The following KANSL1 variants were observed in gnomAD, a reference collection of about 807,000 sequenced individuals.
KANSL1 encodes the protein MLL1/MLL complex subunit KANSL1.
KANSL1 carries 22 observed loss-of-function variants against 103.6 expected under a neutral mutation model. That is an observed-to-expected ratio of 0.21 (90% CI 0.15 to 0.30). The LOEUF (loss-of-function observed/expected upper bound fraction) is 0.30. Ranked by LOEUF, KANSL1 falls within the 10% of genes least tolerant of loss-of-function variation. KANSL1 has a pLI of 1.00. For missense variants in KANSL1, 1,337 were observed against 1,399.8 expected (o/e 0.96, Z 0.72); for synonymous variants, 600 against 527.6 (o/e 1.14, Z -1.88).
At chr17:46,046,332 G>A (rs569535343) in intron 7 of KANSL1, among the ~76,000 whole-genome samples, 61 of 151,638 alleles carry the variant, frequency 4.0e-4, no homozygotes, top group African/African-American at 1.4e-3. Context: ...CCAAGAGTTT[G>A]AGACCAGCAT....
intron 7 of KANSL1, among the ~76,000 whole-genome samples, chr17:46,048,604 G>A (rs888214275): frequency 3.9e-5 from 6 of 152,008 alleles, no homozygotes; most frequent in Non-Finnish European, 5.9e-5. Context: ...ACCCACCAGT[G>A]ATTTGAGAGG....
intron 1 of KANSL1, among the ~76,000 whole-genome samples, chr17:46,217,481 A>AG (rs1390196698): frequency 2.0e-5 from 3 of 152,246 alleles, no homozygotes; most frequent in Admixed American, 1.3e-4. Flanking sequence ...AAAAAAAAAA[A>AG]AAGAGATAGG....
intron 2 of KANSL1, among the ~76,000 whole-genome samples, chr17:46,102,985 G>A (rs1205900384): frequency 1.3e-5 from 2 of 152,202 alleles, no homozygotes; most frequent in East Asian, 3.8e-4. Flanking sequence ...GCACAAACTG[G>A]TAGGGCTTGG....
In KANSL1 at chr17:46,171,714, T is replaced by C; in HGVS notation, c.430A>G (p.Ser144Gly). The stretch of plus-strand genomic sequence containing the variant: ...GCTTGTGGCAGAGCTGTCTGACCAC[T>C]CGTATTCATGGTTCTAAGATTTTCT... Reference protein sequence around the residue: ...SLENLRTMNTSGQTALPQAPV... With the variant: ...SLENLRTMNTGGQTALPQAPV... The change falls in exon 2 of 15, where the codon AGT (serine) becomes GGT (glycine). Residue 144 changes from serine (S) to glycine (G), a missense_variant. Physicochemically the swap from Ser to Gly is moderately conservative, Grantham distance 56. Coordinates refer to ENST00000432791, the MANE Select transcript of KANSL1 (RefSeq NM_015443.4). 1 of 1,565,514 alleles carries C rather than the reference T, an allele frequency of 6.4e-7. No homozygotes were observed. The highest frequency in any genetic ancestry group is 8.6e-7 in the Non-Finnish European group (1 of 1,159,936).
In KANSL1 at chr17:46,154,944, A is replaced by G. The variant is rs559733726; in HGVS notation, c.1289+15911T>C. On this transcript the variant is annotated intron_variant, in intron 2 of 14. Coordinates refer to ENST00000432791, the MANE Select transcript of KANSL1 (RefSeq NM_015443.4). ...CTAAAGTACTGGGATTACAAGGTAT[A>G]AGCCACCACGAGCAGCCTAATCTCT... is the stretch of plus-strand genomic sequence containing the variant. 2.0e-5 allele frequency among the ~76,000 whole-genome samples: 3 copies of G among 152,306 alleles called. No homozygotes were observed. In the South Asian group the frequency reaches 6.2e-4, roughly 32 times the overall value.
intron 2 of KANSL1, among the ~76,000 whole-genome samples, chr17:46,107,560 G>A (rs773785404): frequency 1.3e-4 from 20 of 152,214 alleles, no homozygotes; most frequent in East Asian, 5.8e-4. Flanking sequence ...CTGCATATGC[G>A]AAATCACTAA....
intron 4 of KANSL1, among the ~76,000 whole-genome samples, chr17:46,079,415 GT>G (rs1409386000): frequency 6.6e-6 from 1 of 152,162 alleles, no homozygotes; most frequent in Non-Finnish European, 1.5e-5. Context: ...ATTTAACTTT[GT>G]TTTACCTACT....
chr17:46,078,501 A>G (rs2078870007), intron 4 of KANSL1, among the ~76,000 whole-genome samples: 1 of 150,534 alleles, frequency 6.6e-6, no homozygotes, highest in Non-Finnish European at 1.5e-5. Flanking sequence ...CTTTGCCACT[A>G]TTCCCCTCCT....
Position 46,189,031 on chromosome 17 carries a change from C to CAAAAAAAAAAAA in KANSL1, c.-90+3780_-90+3791dup, listed in dbSNP as rs57566816. 7.7e-4 allele frequency among the ~76,000 whole-genome samples: 48 copies of CAAAAAAAAAAAA among 62,374 alleles called. 6 individuals are homozygous for CAAAAAAAAAAAA. The highest frequency in any genetic ancestry group is 1.7e-3 in the African/African-American group (17 of 10,118). The allele number at this position is 62,374 out of a possible 152,430, so 40.9% of individuals were successfully genotyped here. A position where few individuals can be genotyped will look rare whatever the true frequency, so the allele number is the denominator to read the frequency against. On this transcript the variant is annotated intron_variant, in intron 1 of 14. Transcript: ENST00000432791. The stretch of plus-strand genomic sequence containing the variant: ...CTGGGCAACAGAGCAAAGATTGTCT[C>CAAAAAAAAAAAA]AAAAAAAAAAAAAAAAAAAAAAAAA...
intron 1 of KANSL1, among the ~76,000 whole-genome samples, chr17:46,181,909 C>T (rs2147837907): frequency 6.6e-6 from 1 of 152,134 alleles, no homozygotes; most frequent in Admixed American, 6.5e-5. Context: ...CCCAAACTTA[C>T]TAATTTTTCA....
At chr17:46,085,124 T>G (rs535855951) in intron 3 of KANSL1, among the ~76,000 whole-genome samples, 197 of 152,316 alleles carry the variant, frequency 1.3e-3, no homozygotes, top group Non-Finnish European at 2.1e-3. Context: ...TATACCAATC[T>G]CATCATCTCC....
rs67160662 is a variant in KANSL1, at chr17:46,150,927, C to CAA, written c.1289+19926_1289+19927dup. ...GTTAACTGCAAGATCCCTATTCTGT[C>CAA]AAAAAAAAAAAAAAAAAACACGAGT... On this transcript the variant is annotated intron_variant, in intron 2 of 14. Transcript: ENST00000432791. 1.9e-3 allele frequency among the ~76,000 whole-genome samples: 258 copies of CAA among 134,426 alleles called. 2 individuals are homozygous for CAA. The highest frequency in any genetic ancestry group is 1.6e-3 in the Non-Finnish European group (104 of 63,032). 88.2% of individuals were successfully genotyped at this position (134,426 alleles called of 152,430 possible).
chr17:46,177,444 A>G (rs910316548), intron 1 of KANSL1, among the ~76,000 whole-genome samples: 1 of 152,240 alleles, frequency 6.6e-6, no homozygotes, highest in Non-Finnish European at 1.5e-5. Context: ...TATAATAAAA[A>G]GAAAACTGAA....
intron 1 of KANSL1, among the ~76,000 whole-genome samples, chr17:46,179,465 T>C (rs2046679735): frequency 6.6e-6 from 1 of 152,138 alleles, no homozygotes; most frequent in South Asian, 2.1e-4. Flanking sequence ...ACAACCACAC[T>C]TGCACTGAAA....
At chr17:46,185,675 A>ATG (rs2046987785) in intron 1 of KANSL1, among the ~76,000 whole-genome samples, 1 of 132,356 alleles carries the variant, frequency 7.6e-6, no homozygotes, top group Non-Finnish European at 1.6e-5. Flanking sequence ...ATACACATAT[A>ATG]TATACACACA....
At chr17:46,080,838 A>G (rs905506631) in intron 4 of KANSL1, among the ~76,000 whole-genome samples, 1 of 152,076 alleles carries the variant, frequency 6.6e-6, no homozygotes, top group African/African-American at 2.4e-5. Flanking sequence ...AAATAGTGAC[A>G]GTGTATACTT....
chr17:46,168,266 C>T (rs1353477210), intron 2 of KANSL1, among the ~76,000 whole-genome samples: 1 of 152,218 alleles, frequency 6.6e-6, no homozygotes, highest in African/African-American at 2.4e-5. Context: ...TAAATAAATA[C>T]CAGCCTTAAG....
At chr17:46,181,572 G>A (rs111794853) in intron 1 of KANSL1, among the ~76,000 whole-genome samples, 17,165 of 150,198 alleles carry the variant, frequency 0.11, no homozygotes, top group Non-Finnish European at 0.17. Flanking sequence ...TGGGATTACC[G>A]GTGCCTGCCA....
intron 2 of KANSL1, among the ~76,000 whole-genome samples, chr17:46,105,952 C>CACAA (rs1391201694): frequency 3.6e-4 from 44 of 123,662 alleles, no homozygotes; most frequent in Non-Finnish European, 5.1e-4. Context: ...CACACACCCC[C>CACAA]CCAGAAGGGT....
Sources: gnomAD v4.1 joint callset for allele counts (sites outside exome capture counted in the v4.1 genomes callset) on GRCh38, gnomAD v4.1.1 for gene constraint, MANE v1.5 for transcripts, NCBI Gene and HGNC (gene_info 2026-07-23, HGNC 2026-07-21) for gene names.